DMD: variants seen among roughly 807,000 people sequenced by gnomAD.
The protein encoded by DMD is mutant dystrophin.
Under a neutral mutation model 330.1 loss-of-function variants are expected in DMD, and 63 were observed. That is an observed-to-expected ratio of 0.19 (90% confidence interval 0.16 to 0.24). DMD has a LOEUF of 0.24. DMD is among the 10% of genes least tolerant of loss of function. DMD has a pLI of 1.00. For missense variants in DMD, 3,344 were observed against 2,684.1 expected (o/e 1.25, Z -5.43); for synonymous variants, 1,223 against 959.8 (o/e 1.27, Z -5.07).
At chrX:32,941,487 G>C (rs1005288825) in intron 2 of DMD, among the ~76,000 whole-genome samples, 2 of 111,392 alleles carry the variant, frequency 1.8e-5, no homozygotes, top group African/African-American at 6.5e-5. Context: ...ATGAAATCAT[G>C]TCCTTCGTAG....
chrX:32,693,270 T>C (rs961359306), intron 9 of DMD, among the ~76,000 whole-genome samples: 4 of 112,325 alleles, frequency 3.6e-5, no homozygotes, highest in African/African-American at 1.3e-4. Context: ...GAATGAGACC[T>C]GTTTTAAACA....
chrX:31,154,281 G>GTTT (rs368158779), intron 74 of DMD, among the ~76,000 whole-genome samples: 2 of 99,426 alleles, frequency 2.0e-5, no homozygotes, highest in African/African-American at 8.0e-5. Flanking sequence ...TTATTCTAAT[G>GTTT]TTTTTTTTTT....
intron 7 of DMD, among the ~76,000 whole-genome samples, chrX:32,788,829 A>G (rs776107802): frequency 6.8e-4 from 76 of 112,057 alleles, no homozygotes; most frequent in Non-Finnish European, 4.3e-4. Context: ...GTTTTCCCTT[A>G]TTAGCCCTTA....
intron 60 of DMD, among the ~76,000 whole-genome samples, chrX:31,359,388 C>T (rs1602137076): frequency 1.8e-5 from 2 of 112,067 alleles, no homozygotes; most frequent in Admixed American, 1.9e-4. Context: ...GCCTGGTATA[C>T]ATCCATCAGT....
chrX:31,241,114 A>C (rs2048232198), intron 63 of DMD, among the ~76,000 whole-genome samples: 1 of 111,536 alleles, frequency 9.0e-6, no homozygotes, highest in African/African-American at 3.3e-5. Flanking sequence ...TCTTGTTATA[A>C]AGTATAATAA....
rs1216713311 is a variant in DMD, at chrX:33,009,611, CAT to C, written c.93+10526_93+10527del. 5.5e-4 allele frequency among the ~76,000 whole-genome samples: 29 copies of C among 52,356 alleles called. 8 individuals carry two copies. The East Asian group carries it at 0.011, about 19-fold the overall frequency. 45.5% of individuals were successfully genotyped at this position (52,356 alleles called of 115,157 possible). ...GTGTATGTGTGTATGTGTATATACACATATGTGTGTATGTGTGTATGTGTATA... is the reference window on the plus strand; with the variant it reads ...GTGTATGTGTGTATGTGTATATACACATGTGTGTATGTGTGTATGTGTATA... On this transcript the variant is annotated intron_variant, in intron 2 of 78. Coordinates refer to ENST00000357033, the MANE Select transcript of DMD (RefSeq NM_004006.3).
At chrX:32,379,625 A>T (rs767980231) in intron 34 of DMD, among the ~76,000 whole-genome samples, 65 of 111,839 alleles carry the variant, frequency 5.8e-4, no homozygotes, top group African/African-American at 2.1e-3. Flanking sequence ...ATATATTACT[A>T]CTTGTTCTCT....
chrX:32,403,549 ACAGT>A (rs1232446742), intron 30 of DMD, among the ~76,000 whole-genome samples: 4 of 111,870 alleles, frequency 3.6e-5, no homozygotes, highest in African/African-American at 1.3e-4. Context: ...TTGTCCAAGT[ACAGT>A]CAGTGACGTG....
chrX:32,664,849 G>T (rs143295253), intron 9 of DMD, among the ~76,000 whole-genome samples: 1,153 of 111,744 alleles, frequency 0.01, 16 homozygotes, highest in African/African-American at 0.036. Context: ...GGCTAGATAA[G>T]ATCATCGAGA....
At chrX:32,682,565 T>G (rs2062510932) in intron 9 of DMD, among the ~76,000 whole-genome samples, 1 of 111,808 alleles carries the variant, frequency 8.9e-6, no homozygotes, top group South Asian at 3.7e-4. Flanking sequence ...GATTTCAATT[T>G]TGGAATTTAA....
intron 18 of DMD, among the ~76,000 whole-genome samples, chrX:32,505,538 TG>T (rs1325976349): frequency 2.7e-5 from 3 of 111,928 alleles, no homozygotes; most frequent in Non-Finnish European, 5.6e-5. Flanking sequence ...AATGGGGCAA[TG>T]GGAACTCTCA....
chrX:32,944,986 C>A (rs1460188144), intron 2 of DMD, among the ~76,000 whole-genome samples: 1 of 111,299 alleles, frequency 9.0e-6, no homozygotes, highest in Non-Finnish European at 1.9e-5. Flanking sequence ...TTCTATTAAT[C>A]CTCATCTATA....
At chrX:32,356,379 TA>T (rs71888370) in intron 37 of DMD, among the ~76,000 whole-genome samples, 1,050 of 52,685 alleles carry the variant, frequency 0.02, 11 homozygotes, top group African/African-American at 0.025. Flanking sequence ...TGAATGGAAG[TA>T]AAAAAAAAAA....
At chrX:32,084,260 G>A (rs937432991) in intron 44 of DMD, among the ~76,000 whole-genome samples, 2 of 111,203 alleles carry the variant, frequency 1.8e-5, no homozygotes, top group Non-Finnish European at 3.8e-5. Context: ...GTGCCTGTGT[G>A]TGTGTTGAGG....
intron 44 of DMD, among the ~76,000 whole-genome samples, chrX:32,013,093 C>CTTTTTTTTTTTTTTTTTTTTTTTTTTTTT (rs754162660): frequency 4.9e-5 from 3 of 61,198 alleles, no homozygotes; most frequent in East Asian, 6.5e-4. Context: ...CTTTTCTTTC[C>CTTTTTTTTTTTTTTTTTTTTTTTTTTTTT]TTTTTTTTTT....
intron 1 of DMD, among the ~76,000 whole-genome samples, chrX:33,060,573 C>T (rs1249552685): frequency 9.0e-6 from 1 of 111,164 alleles, no homozygotes; most frequent in Non-Finnish European, 1.9e-5. Flanking sequence ...TGGCTCACGC[C>T]TGTAATCGCT....
At chrX:31,785,423 A>C (rs749466384) in intron 50 of DMD, among the ~76,000 whole-genome samples, 4 of 112,169 alleles carry the variant, frequency 3.6e-5, no homozygotes, top group African/African-American at 9.7e-5. Flanking sequence ...TTAAGCTGGC[A>C]AAGTTTGTAT....
At chrX:32,406,764 T>A (rs1198914420) in intron 30 of DMD, among the ~76,000 whole-genome samples, 2 of 111,313 alleles carry the variant, frequency 1.8e-5, no homozygotes, top group South Asian at 3.8e-4. Flanking sequence ...ATGGTACTGG[T>A]ACCAAAACAG....
At chrX:32,589,141 T>C (rs1051694221) in intron 13 of DMD, among the ~76,000 whole-genome samples, 10 of 111,927 alleles carry the variant, frequency 8.9e-5, no homozygotes, top group Admixed American at 6.7e-4. Context: ...ACAATAGTGT[T>C]CATGTGCCAT....
Sources: allele counts gnomAD v4.1 joint callset (sites outside exome capture counted in the v4.1 genomes callset), GRCh38; gene constraint gnomAD v4.1.1; transcripts MANE v1.5; gene names NCBI Gene and HGNC (gene_info 2026-07-23, HGNC 2026-07-21).